The following ARPP19 variants were observed in gnomAD, a reference collection of about 807,000 sequenced individuals.
The protein encoded by ARPP19 is cAMP-regulated phosphoprotein 19.
ARPP19 carries 8 observed loss-of-function variants against 12.0 expected under a neutral mutation model. The observed-to-expected ratio is 0.67, with a 90% CI of 0.39 to 1.21. ARPP19 has a LOEUF of 1.21. Ranked by LOEUF, ARPP19 falls within the 50% of genes most tolerant of loss-of-function variation. The probability of loss-of-function intolerance (pLI) is 0.01; values close to 1 mark genes in which losing one functional copy is unlikely to be tolerated. For synonymous variants in ARPP19, 47 were observed against 50.4 expected (o/e 0.93, Z 0.29); for missense variants, 102 against 136.3 (o/e 0.75, Z 1.25).
At chr15:52,568,655 C>T (rs1338974880) in intron 1 of ARPP19, 193 bp downstream of exon 1, 12 of 482,718 alleles carry the variant, frequency 2.5e-5, no homozygotes, top group Non-Finnish European at 4.4e-5. Context: ...GGAGTAAACG[C>T]GGGGCACGTT....
At chr15:52,561,443 C>T (rs2078031557) in intron 1 of ARPP19, among the ~76,000 whole-genome samples, 1 of 152,048 alleles carries the variant, frequency 6.6e-6, no homozygotes, top group Non-Finnish European at 1.5e-5. Context: ...ATTTTAATAT[C>T]TTTATCATGT....
At chr15:52,555,717 T>C (rs977531826) in intron 2 of ARPP19, among the ~76,000 whole-genome samples, 6 of 152,030 alleles carry the variant, frequency 3.9e-5, no homozygotes, top group African/African-American at 1.4e-4. Context: ...AGTAATAATT[T>C]TTAATGTTTA....
intron 1 of ARPP19, chr15:52,564,348 G>A: frequency 1.3e-6 from 1 of 781,160 alleles, no homozygotes; most frequent in Non-Finnish European, 2.2e-6. Flanking sequence ...GGAGTTCAAG[G>A]CGGCAATATG....
rs2077933527 is a variant in ARPP19 at position 52,551,754 on chromosome 15, A to C, written c.*180T>G. ...TCTAACATGTCCTCTTCACCAGTGC[A>C]CTGTTAAACTAATCAAAAACTCTAC... On this transcript the variant is annotated 3_prime_UTR_variant, in exon 3 of 3. Transcript: ENST00000249822. 2 of 577,290 alleles carry C rather than the reference A, an allele frequency of 3.5e-6. No homozygotes were observed. Among genetic ancestry groups the C allele is most frequent in the Non-Finnish European group, 6.1e-6 (2 of 325,850 alleles). 35.8% of individuals were successfully genotyped at this position (577,290 alleles called of 1,614,324 possible). A position where few individuals can be genotyped will look rare whatever the true frequency, so the allele number is the denominator to read the frequency against.
chr15:52,563,344 T>G (rs2078052504), intron 1 of ARPP19, among the ~76,000 whole-genome samples: 1 of 152,164 alleles, frequency 6.6e-6, no homozygotes, highest in South Asian at 2.1e-4. Flanking sequence ...TTCTGAACTT[T>G]TGGCTATTGG....
chr15:52,560,374 G>A lies in ARPP19; in HGVS notation c.46-3152C>T, dbSNP rs573492768. On this transcript the variant is annotated intron_variant, in intron 1 of 2. Coordinates refer to ENST00000249822, the MANE Select transcript of ARPP19 (RefSeq NM_006628.6). The stretch of plus-strand genomic sequence containing the variant: ...CTTAATTAAATTAAAAAATGTTTGG[G>A]TAAAACAGCATCTATGAGCTGCAAA... Among the ~76,000 whole-genome samples, 6 of 152,212 alleles carry A rather than the reference G, an allele frequency of 3.9e-5. No homozygotes were observed. The East Asian group carries it at 9.6e-4, about 24-fold the overall frequency.
Position 52,568,877 on chromosome 15 carries a change from G to A in ARPP19, c.16C>T (p.Pro6Ser), listed in dbSNP as rs529642729. The A allele has an allele frequency of 1.3e-6, 2 of 1,574,798 alleles. No individual in the cohort carries two copies. The highest frequency in any genetic ancestry group is 1.8e-5 in the Admixed American group (1 of 54,644). MSAEV[P>S]EAASAEEQKE... The stretch of plus-strand genomic sequence containing the variant: ...TGCTCCTCCGCGGAGGCTGCCTCGG[G>A]GACTTCCGCAGACATAGTGCTCCCT... Residue 6 changes from proline (P) to serine (S), a missense_variant, in exon 1 of 3, where the codon CCC becomes TCC. Physicochemically the swap from Pro to Ser is moderately conservative, Grantham distance 74. Coordinates refer to ENST00000249822, the MANE Select transcript of ARPP19 (RefSeq NM_006628.6).
Position 52,568,943 on chromosome 15 carries a change from GCCGAGGCCACCCGGCCGCCGC to G in ARPP19, c.-72_-52del, listed in dbSNP as rs1244976136. The G allele has an allele frequency of 1.1e-5, 12 of 1,116,960 alleles. No individual in the cohort carries two copies. Among genetic ancestry groups the G allele is most frequent in the Non-Finnish European group, 1.5e-5 (12 of 797,290 alleles). 69.2% of individuals were successfully genotyped at this position (1,116,960 alleles called of 1,614,324 possible). ...CGGGAAAAGATGCAATTAGCGGGTG[GCCGAGGCCACCCGGCCGCCGC>G]CCGTCCCAGCTCTCCCAGGGCCCGC... On this transcript the variant is annotated 5_prime_UTR_variant, in exon 1 of 3. Transcript: ENST00000249822.
Position 52,548,861 on chromosome 15 carries a change from A to C in ARPP19, c.*3073T>G, listed in dbSNP as rs1161392130. 6.5e-6 allele frequency: 1 copy of C among 152,682 alleles called. No homozygotes were observed. The highest frequency in any genetic ancestry group is 1.5e-5 in the Non-Finnish European group (1 of 68,046). The allele number at this position is 152,682 out of a possible 1,614,324, so 9.5% of individuals were successfully genotyped here. The stretch of plus-strand genomic sequence containing the variant: ...TCAGAGGTATAGTTTTGTTTCATCA[A>C]GTAAAAAGAGCAACTAATTCCAACT... On this transcript the variant is annotated 3_prime_UTR_variant, in exon 3 of 3. Transcript: ENST00000249822.
rs2077909546 is a variant in ARPP19, at chr15:52,549,530, A to G, written c.*2404T>C. 1 of 152,638 alleles carries G rather than the reference A, an allele frequency of 6.6e-6. No homozygotes were observed. Among genetic ancestry groups the G allele is most frequent in the South Asian group, 2.1e-4 (1 of 4,834 alleles). The allele number at this position is 152,638 out of a possible 1,614,324, so 9.5% of individuals were successfully genotyped here. A position where few individuals can be genotyped will look rare whatever the true frequency, so the allele number is the denominator to read the frequency against. On this transcript the variant is annotated 3_prime_UTR_variant, in exon 3 of 3. Coordinates refer to ENST00000249822, the MANE Select transcript of ARPP19 (RefSeq NM_006628.6). ...CTTAATGAGGAAATTTACTTTTAAT[A>G]AAAAGACAATCAGCAATATTTTATT...
intron 2 of ARPP19, 44 bp from the exon 3 acceptor site, chr15:52,552,148 T>G (rs756966368): frequency 5.6e-6 from 7 of 1,244,700 alleles, no homozygotes; most frequent in Non-Finnish European, 8.2e-6. Flanking sequence ...GCTTAGCAAT[T>G]ACTGATTTAA....
At chr15:52,557,509 T>C (rs1287742692) in intron 1 of ARPP19, 3 of 284,182 alleles carry the variant, frequency 1.1e-5, no homozygotes, top group Non-Finnish European at 2.0e-5. Context: ...TTTCCAGTCA[T>C]GTATAATACA....
In ARPP19 at chr15:52,557,181, T is replaced by C; in HGVS notation, c.87A>G (p.Glu29=). 3.7e-6 allele frequency: 6 copies of C among 1,611,052 alleles called. No homozygotes were observed. The highest frequency in any genetic ancestry group is 5.1e-6 in the Non-Finnish European group (6 of 1,177,660). The change falls in exon 2 of 3, where the codon GAA becomes GAG. Residue 29 remains glutamate (E), a synonymous_variant. Coordinates refer to ENST00000249822, the MANE Select transcript of ARPP19 (RefSeq NM_006628.6). ...DKVTSPEKAE[E]AKLKARYPHL... ...GAGGATATCTTGCTTTTAATTTTGC[T>C]TCTTCTGCTTTCTCTGGACTAGTCA...
chr15:52,566,483 A>C (rs1010974920), intron 1 of ARPP19, among the ~76,000 whole-genome samples: 2 of 152,182 alleles, frequency 1.3e-5, no homozygotes, highest in African/African-American at 4.8e-5. Flanking sequence ...AAATATTTTA[A>C]AAGTAGCTCA....
chr15:52,549,498 A>C lies in ARPP19; in HGVS notation c.*2436T>G, dbSNP rs1442709045. 1.3e-5 allele frequency: 2 copies of C among 152,654 alleles called. No homozygotes were observed. The highest frequency in any genetic ancestry group is 4.8e-5 in the African/African-American group (2 of 41,448). 9.5% of individuals were successfully genotyped at this position (152,654 alleles called of 1,614,324 possible). ...TTAAGCACTGTGACTTACAGAAGGC[A>C]GGTTGGCTTAATGAGGAAATTTACT... On this transcript the variant is annotated 3_prime_UTR_variant, in exon 3 of 3. Transcript: ENST00000249822.
In ARPP19 at chr15:52,551,841, T is replaced by C. The variant is rs1595860142; in HGVS notation, c.*93A>G. On this transcript the variant is annotated 3_prime_UTR_variant, in exon 3 of 3. Transcript: ENST00000249822. Reference sequence around the variant, plus strand: ...TACCTGCAAAGCTGTCAGTCTCAAATGACTAGTGAATGAAAGGAAATAAAA... The same window carrying C: ...TACCTGCAAAGCTGTCAGTCTCAAACGACTAGTGAATGAAAGGAAATAAAA... The C allele has an allele frequency of 2.1e-6, 2 of 940,534 alleles. No individual in the cohort carries two copies. Among genetic ancestry groups the C allele is most frequent in the East Asian group, 2.4e-5 (1 of 41,782 alleles). The allele number at this position is 940,534 out of a possible 1,614,324, so 58.3% of individuals were successfully genotyped here. A position where few individuals can be genotyped will look rare whatever the true frequency, so the allele number is the denominator to read the frequency against.
At chr15:52,560,049 TA>T in intron 1 of ARPP19, among the ~76,000 whole-genome samples, 1 of 152,254 alleles carries the variant, frequency 6.6e-6, no homozygotes, top group Non-Finnish European at 1.5e-5. Flanking sequence ...CCGAATTCCT[TA>T]AAAATTTTTA....
rs1327916761 is a variant in ARPP19, at chr15:52,549,367, A to C, written c.*2567T>G. 4 of 152,612 alleles carry C rather than the reference A, an allele frequency of 2.6e-5. No homozygotes were observed. The highest frequency in any genetic ancestry group is 5.9e-5 in the Non-Finnish European group (4 of 68,022). 9.5% of individuals were successfully genotyped at this position (152,612 alleles called of 1,614,324 possible). ...GAGCTTTGAGGCAGAACAAAAAAAA[A>C]ACAAAAATCTAAAACCTCTCTATCC... On this transcript the variant is annotated 3_prime_UTR_variant, in exon 3 of 3. Coordinates refer to ENST00000249822, the MANE Select transcript of ARPP19 (RefSeq NM_006628.6).
rs567717200 is a variant in ARPP19 at position 52,550,513 on chromosome 15, A to G, written c.*1421T>C. The G allele has an allele frequency of 6.6e-6, 1 of 152,294 alleles. No homozygotes were observed. Among genetic ancestry groups the G allele is most frequent in the South Asian group, 2.1e-4 (1 of 4,822 alleles). The allele number at this position is 152,294 out of a possible 1,614,324, so 9.4% of individuals were successfully genotyped here. On this transcript the variant is annotated 3_prime_UTR_variant, in exon 3 of 3. Coordinates refer to ENST00000249822, the MANE Select transcript of ARPP19 (RefSeq NM_006628.6). ...AAACAATTGTAGAATATTAGTAATA[A>G]TAAAGGATCAAGAATAGTTAACTTG... is the stretch of plus-strand genomic sequence containing the variant.
Sources: allele counts gnomAD v4.1 joint callset (sites outside exome capture counted in the v4.1 genomes callset), GRCh38; gene constraint gnomAD v4.1.1; transcripts MANE v1.5; gene names NCBI Gene and HGNC (gene_info 2026-07-23, HGNC 2026-07-21).